Variants in ADAP1 observed in about 807,000 individuals in gnomAD.
The protein encoded by ADAP1 is arf-GAP with dual PH domain-containing protein 1.
Under a neutral mutation model 54.9 loss-of-function variants are expected in ADAP1, and 31 were observed. That is an observed-to-expected ratio of 0.56 (90% CI 0.42 to 0.76). The LOEUF (loss-of-function observed/expected upper bound fraction) is 0.76. ADAP1 is among the 30% of genes least tolerant of loss of function. ADAP1 has a pLI of 0.00. For missense variants in ADAP1, 535 were observed against 512.4 expected, an observed-to-expected ratio of 1.04 and a Z score of -0.42; for synonymous variants, 313 against 202.6, an observed-to-expected ratio of 1.55 and a Z score of -4.63.
chr7:950,718 G>A (rs747584922), intron 1 of ADAP1, among the ~76,000 whole-genome samples: 7 of 151,450 alleles, frequency 4.6e-5, no homozygotes, highest in Non-Finnish European at 8.8e-5. Context: ...TTAGCCGGGC[G>A]TGGTGGCAGG....
chr7:935,160 CAG>C, intron 2 of ADAP1: 1 of 711,762 alleles, frequency 1.4e-6, no homozygotes, highest in Non-Finnish European at 2.5e-6. Context: ...GAGCTGCTCA[CAG>C]AGAGGTTGGA....
rs1476653245 is a variant in ADAP1 at position 898,856 on chromosome 7, C to A, written c.*65G>T. ...TGGCCTCAGGACGCCAGAGCCCCCCCATCCACGGGTCCCCTCCGTCCAGCC... is the reference window on the plus strand; with the variant it reads ...TGGCCTCAGGACGCCAGAGCCCCCCAATCCACGGGTCCCCTCCGTCCAGCC... On this transcript the variant is annotated 3_prime_UTR_variant, in exon 11 of 11. Transcript: ENST00000265846. 11 of 1,552,678 alleles carry A rather than the reference C, an allele frequency of 7.1e-6. No individual in the cohort carries two copies. Among genetic ancestry groups the A allele is most frequent in the Admixed American group, 3.9e-5 (2 of 51,810 alleles).
chr7:951,547 A>G (rs981353719), intron 1 of ADAP1, among the ~76,000 whole-genome samples: 2 of 151,252 alleles, frequency 1.3e-5, no homozygotes, highest in African/African-American at 4.9e-5. Context: ...ACTGCACTGT[A>G]GCCTGGGTGA....
intron 8 of ADAP1, 107 bp from the exon 9 acceptor site, chr7:899,597 T>A: frequency 1.6e-6 from 2 of 1,255,696 alleles, no homozygotes; most frequent in Non-Finnish European, 2.2e-6. Context: ...CCCGGGTCAG[T>A]CACCTCCATT....
intron 4 of ADAP1, among the ~76,000 whole-genome samples, chr7:909,119 CCCGG>C: frequency 6.8e-6 from 1 of 146,600 alleles, no homozygotes; most frequent in Admixed American, 6.8e-5. Flanking sequence ...CAGCGGGAAC[CCCGG>C]TCCTCCCGAC....
At position 928,198 on chromosome 7, in the gene ADAP1, C is replaced by T. The variant is rs970624545; in HGVS notation, c.214-1554G>A. 4.6e-5 allele frequency among the ~76,000 whole-genome samples: 7 copies of T among 151,286 alleles called. No homozygotes were observed. In the South Asian group the frequency reaches 6.2e-4, roughly 13 times the overall value. On this transcript the variant is annotated intron_variant, in intron 2 of 10. Transcript: ENST00000265846. ...TCGCACCACTGAACTCCAGCCTGGG[C>T]GGCAGAACAAGACCATGTCTCCACT...
At chr7:931,732 A>G (rs1408368596) in intron 2 of ADAP1, among the ~76,000 whole-genome samples, 2 of 150,732 alleles carry the variant, frequency 1.3e-5, no homozygotes, top group Non-Finnish European at 3.0e-5. Context: ...TCTAGGAAGC[A>G]GTTGTTTTAA....
chr7:950,448 T>C (rs552241341), intron 1 of ADAP1, among the ~76,000 whole-genome samples: 3 of 142,378 alleles, frequency 2.1e-5, no homozygotes, highest in South Asian at 2.2e-4. Flanking sequence ...AAGGTGCCAC[T>C]GCACTCCAGC....
chr7:925,151 C>T (rs975079010), intron 3 of ADAP1, among the ~76,000 whole-genome samples: 2 of 152,052 alleles, frequency 1.3e-5, no homozygotes. Context: ...GGACGGGGGC[C>T]TCGTGACCCC....
rs1170304660 is a variant in ADAP1 at position 930,101 on chromosome 7, C to CAAA, written c.214-3460_214-3458dup. Reference sequence around the variant, plus strand: ...CCTGGGTGACAGAGCAAGACTGTCTCAAAAAAAAAAAAAAAAAAAAAAAAA... The same window carrying CAAA: ...CCTGGGTGACAGAGCAAGACTGTCTCAAAAAAAAAAAAAAAAAAAAAAAAAAAA... On this transcript the variant is annotated intron_variant, in intron 2 of 10. Transcript: ENST00000265846. Among the ~76,000 whole-genome samples the CAAA allele has an allele frequency of 9.3e-4, 31 of 33,296 alleles. 3 individuals carry two copies. Among genetic ancestry groups the CAAA allele is most frequent in the African/African-American group, 2.2e-3 (17 of 7,746 alleles). 21.8% of individuals were successfully genotyped at this position (33,296 alleles called of 152,430 possible). A position where few individuals can be genotyped will look rare whatever the true frequency, so the allele number is the denominator to read the frequency against.
intron 4 of ADAP1, 100 bp from the exon 5 acceptor site, chr7:905,272 C>CGGGGGACACGGACG (rs1845061298): frequency 3.1e-6 from 1 of 317,884 alleles, no homozygotes; most frequent in Admixed American, 4.5e-5. Flanking sequence ...GGAGAAGACA[C>CGGGGGACACGGACG]GGGGGACACG....
intron 4 of ADAP1, among the ~76,000 whole-genome samples, chr7:915,224 C>T (rs987383090): frequency 2.3e-5 from 1 of 43,058 alleles, no homozygotes; most frequent in Non-Finnish European, 4.4e-5. Flanking sequence ...CAGCCCTGCA[C>T]TCACACCTGC....
intron 4 of ADAP1, among the ~76,000 whole-genome samples, chr7:911,553 G>C (rs138534821): frequency 0.016 from 2,342 of 144,790 alleles, 114 homozygotes; most frequent in East Asian, 0.11. Context: ...GGATCACACG[G>C]AGGGCCAGGA....
intron 6 of ADAP1, chr7:903,816 A>G (rs1244855479): frequency 3.4e-6 from 1 of 297,268 alleles, no homozygotes; most frequent in Non-Finnish European, 6.4e-6. Context: ...CCGAGCTGGC[A>G]GCCCCCACTG....
At chr7:910,628 C>T (rs2128100681) in intron 4 of ADAP1, among the ~76,000 whole-genome samples, 1 of 152,336 alleles carries the variant, frequency 6.6e-6, no homozygotes, top group East Asian at 1.9e-4. Flanking sequence ...AATCACACCT[C>T]ACGTATGTGA....
intron 4 of ADAP1, among the ~76,000 whole-genome samples, chr7:916,413 C>T (rs1434789421): frequency 6.6e-6 from 1 of 152,206 alleles, no homozygotes; most frequent in East Asian, 1.9e-4. Flanking sequence ...CCAGAGGGTT[C>T]TGATACAAGA....
intron 1 of ADAP1, among the ~76,000 whole-genome samples, chr7:952,083 C>T (rs1250867024): frequency 6.7e-6 from 1 of 149,522 alleles, no homozygotes; most frequent in Non-Finnish European, 1.5e-5. Flanking sequence ...GACAGTGGGT[C>T]CAGGCACGCC....
intron 3 of ADAP1, chr7:921,037 T>C: frequency 1.7e-6 from 1 of 592,984 alleles, no homozygotes; most frequent in Non-Finnish European, 3.0e-6. Context: ...TGTGTGTGTG[T>C]CCCCCACCTG....
upstream of ADAP1, chr7:955,252 T>TG (rs1306459915): frequency 6.5e-7 from 1 of 1,537,056 alleles, no homozygotes; most frequent in Non-Finnish European, 8.8e-7. Flanking sequence ...GGACTTCACA[T>TG]GGGGGCTGAC....
Sources: gnomAD v4.1 joint callset for allele counts (sites outside exome capture counted in the v4.1 genomes callset) on GRCh38, gnomAD v4.1.1 for gene constraint, MANE v1.5 for transcripts, NCBI Gene and HGNC (gene_info 2026-07-23, HGNC 2026-07-21) for gene names.